The following WDR49 variants were observed in gnomAD, a reference collection of about 807,000 sequenced individuals.
The protein encoded by WDR49 is WD repeat domain 49.
Under a neutral mutation model 119.5 loss-of-function variants are expected in WDR49, and 107 were observed. The observed-to-expected ratio is 0.90, with a 90% CI of 0.77 to 1.05. WDR49 has a LOEUF of 1.05. Ranked by LOEUF, WDR49 falls within the 50% of genes least tolerant of loss-of-function variation. The pLI is 0.00. For missense variants in WDR49, 1,240 were observed against 1,220.5 expected (o/e 1.02, Z -0.24); for synonymous variants, 425 against 418.8 (o/e 1.01, Z -0.18).
At chr3:167,619,162 G>A (rs1349458629) in intron 5 of WDR49, among the ~76,000 whole-genome samples, 1 of 152,106 alleles carries the variant, frequency 6.6e-6, no homozygotes, top group Admixed American at 6.6e-5. Flanking sequence ...AGAACCTACT[G>A]TGAGTAAATT....
Position 167,522,375 on chromosome 3 carries a change from C to G in WDR49, c.2714G>C (p.Cys905Ser), listed in dbSNP as rs764521954. Residue 905 changes from cysteine (C) to serine (S), a missense_variant, in exon 16 of 19, where the codon TGT (cysteine) becomes TCT (serine). Physicochemically the swap from Cys to Ser is moderately radical, Grantham distance 112 (BLOSUM62 -1). Coordinates refer to ENST00000682715, the MANE Select transcript of WDR49 (RefSeq NM_001366157.1). ...EISLFSKEES[C>S]LDPTEHSLLN... is the part of the protein sequence containing the mutation. ...TAGAGAATGTTCTGTTGGGTCTAAA[C>G]AAGATTCCTCCTTAGAAAATAAAGA... is the stretch of plus-strand genomic sequence containing the variant. The G allele has an allele frequency of 6.2e-7, 1 of 1,610,156 alleles. No homozygotes were observed. Among genetic ancestry groups the G allele is most frequent in the East Asian group, 2.2e-5 (1 of 44,680 alleles).
chr3:167,560,276 A>G (rs1429282093), intron 8 of WDR49, 48 bp from the exon 9 acceptor site: 2 of 1,544,338 alleles, frequency 1.3e-6, no homozygotes, highest in Admixed American at 3.7e-5. Flanking sequence ...TCTCAGAATC[A>G]ACCATTTATA....
intron 16 of WDR49, among the ~76,000 whole-genome samples, chr3:167,515,075 T>G (rs906029898): frequency 6.6e-6 from 1 of 152,138 alleles, no homozygotes; most frequent in Non-Finnish European, 1.5e-5. Context: ...TGGTACCATT[T>G]CTTCTGAAAC....
chr3:167,595,063 A>G (rs1395933735), intron 7 of WDR49, among the ~76,000 whole-genome samples: 1 of 150,298 alleles, frequency 6.7e-6, no homozygotes, highest in Non-Finnish European at 1.5e-5. Context: ...AAGCATTCTT[A>G]TACACCAACA....
intron 2 of WDR49, among the ~76,000 whole-genome samples, chr3:167,644,841 T>C (rs933304102): frequency 7.2e-5 from 11 of 152,260 alleles, no homozygotes; most frequent in Admixed American, 6.5e-4. Context: ...TTATTGATCT[T>C]TTTAATATTT....
At chr3:167,642,444 G>C (rs1229743422) in intron 2 of WDR49, among the ~76,000 whole-genome samples, 1 of 151,950 alleles carries the variant, frequency 6.6e-6, no homozygotes, top group Non-Finnish European at 1.5e-5. Context: ...CAAAATGTGA[G>C]AGCATGGAAA....
At chr3:167,570,904 C>T (rs770965989) in intron 8 of WDR49, among the ~76,000 whole-genome samples, 2 of 151,712 alleles carry the variant, frequency 1.3e-5, no homozygotes, top group African/African-American at 2.4e-5. Context: ...GGCATGGTGG[C>T]GCACACCTGT....
Position 167,536,973 on chromosome 3 carries a change from GT to G in WDR49, c.1850del (p.Asn617ThrfsTer64). Reference sequence around the variant, plus strand: ...CAGGCTGGATGAAAAATTGATTGAAGTTTTGGGGTCGAAACACAGTAATAGC... The same window carrying G: ...CAGGCTGGATGAAAAATTGATTGAAGTTTGGGGTCGAAACACAGTAATAGC... ...GRAITVFRPQ[N>X]FNQFFIQPEE... On this transcript the variant is annotated frameshift_variant, in exon 11 of 19. Coordinates refer to ENST00000682715, the MANE Select transcript of WDR49 (RefSeq NM_001366157.1). LOFTEE classifies it high-confidence loss of function. 1 of 1,589,478 alleles carries G rather than the reference GT, an allele frequency of 6.3e-7. No individual in the cohort carries two copies. Among genetic ancestry groups the G allele is most frequent in the Non-Finnish European group, 8.6e-7 (1 of 1,168,250 alleles).
intron 5 of WDR49, among the ~76,000 whole-genome samples, chr3:167,614,249 C>T (rs942656169): frequency 3.3e-5 from 5 of 151,950 alleles, no homozygotes; most frequent in East Asian, 1.9e-4. Context: ...TTACAAGCGC[C>T]CACCACCACA....
At chr3:167,479,959 G>T (rs773213003) in intron 18 of WDR49, among the ~76,000 whole-genome samples, 1 of 151,934 alleles carries the variant, frequency 6.6e-6, no homozygotes, top group African/African-American at 2.4e-5. Flanking sequence ...GGCCGGGCAC[G>T]GTGGCTCACG....
intron 15 of WDR49, among the ~76,000 whole-genome samples, chr3:167,523,804 A>G (rs542412281): frequency 6.6e-6 from 1 of 152,210 alleles, no homozygotes; most frequent in Non-Finnish European, 1.5e-5. Flanking sequence ...ATTGATGGGT[A>G]TTTGGGTTGG....
chr3:167,647,995 C>G (rs1217215494), intron 2 of WDR49, among the ~76,000 whole-genome samples: 1 of 152,084 alleles, frequency 6.6e-6, no homozygotes, highest in East Asian at 1.9e-4. Flanking sequence ...AAATCTTTAT[C>G]CTGTTGGATT....
At chr3:167,506,764 C>A (rs1197473059) in intron 16 of WDR49, among the ~76,000 whole-genome samples, 1 of 152,132 alleles carries the variant, frequency 6.6e-6, no homozygotes, top group Admixed American at 6.6e-5. Context: ...TCTGTAACGT[C>A]AACATTATAT....
Position 167,529,100 on chromosome 3 carries a change from G to A in WDR49, c.2358C>T (p.Tyr786=). 1 of 1,605,780 alleles carries A rather than the reference G, an allele frequency of 6.2e-7. No homozygotes were observed. Among genetic ancestry groups the A allele is most frequent in the Non-Finnish European group, 8.5e-7 (1 of 1,177,446 alleles). ...IIMSTDKMNR[Y]LTTGDLDGWL... ...ATCCATCAAGATCTCCTGTGGTAAG[G>A]TATCGATTCATCTTATCAGTAGACA... Residue 786 remains tyrosine, a synonymous_variant, in exon 14 of 19, where the codon TAC becomes TAT. Coordinates refer to ENST00000682715, the MANE Select transcript of WDR49 (RefSeq NM_001366157.1).
chr3:167,569,130 G>A (rs1311906957), intron 8 of WDR49, among the ~76,000 whole-genome samples: 1 of 152,080 alleles, frequency 6.6e-6, no homozygotes, highest in African/African-American at 2.4e-5. Context: ...TTTTAGTAGA[G>A]ATGGGGTTTT....
intron 16 of WDR49, among the ~76,000 whole-genome samples, chr3:167,517,709 T>A (rs1032123242): frequency 3.5e-5 from 3 of 86,572 alleles, no homozygotes; most frequent in Non-Finnish European, 8.4e-5. Context: ...TTTACTTTTT[T>A]TTTCTTTTCT....
At chr3:167,578,530 C>A (rs141059461) in intron 7 of WDR49, among the ~76,000 whole-genome samples, 1 of 152,086 alleles carries the variant, frequency 6.6e-6, no homozygotes, top group East Asian at 1.9e-4. Flanking sequence ...ACTAATACTC[C>A]TTTTCTCCCT....
Position 167,650,484 on chromosome 3 carries a change from G to A in WDR49, c.165+2777C>T, listed in dbSNP as rs538977086. 7.9e-5 allele frequency among the ~76,000 whole-genome samples: 12 copies of A among 152,254 alleles called. No individual in the cohort carries two copies. The South Asian group carries it at 2.5e-3, about 32-fold the overall frequency. ...GTTACTTTTCTGTGCTTCTACCCAGGTAACTTATTTGTTCCAAAGAAAAGA... is the reference window on the plus strand; with the variant it reads ...GTTACTTTTCTGTGCTTCTACCCAGATAACTTATTTGTTCCAAAGAAAAGA... On this transcript the variant is annotated intron_variant, in intron 2 of 18. Transcript: ENST00000682715.
intron 5 of WDR49, among the ~76,000 whole-genome samples, chr3:167,615,367 C>T (rs542666585): frequency 2.0e-5 from 3 of 151,190 alleles, no homozygotes; most frequent in Admixed American, 1.3e-4. Context: ...AACTCCTAGG[C>T]TCAAACAATC....
Sources: gnomAD v4.1 joint callset for allele counts (sites outside exome capture counted in the v4.1 genomes callset) on GRCh38, gnomAD v4.1.1 for gene constraint, MANE v1.5 for transcripts, NCBI Gene and HGNC (gene_info 2026-07-23, HGNC 2026-07-21) for gene names.